FRMD3: variants seen among roughly 807,000 people sequenced by gnomAD.
FRMD3 encodes the protein FERM domain-containing protein 3.
A neutral mutation model predicts 70.2 loss-of-function variants in FRMD3; 33 were observed. The observed-to-expected ratio is 0.47, with a 90% CI of 0.36 to 0.63. FRMD3 has a LOEUF of 0.63. Ranked by LOEUF, FRMD3 falls within the 20% of genes least tolerant of loss-of-function variation. The pLI, the probability that FRMD3 is intolerant of heterozygous loss-of-function variation, is 0.00. For synonymous variants in FRMD3, 279 were observed against 255.9 expected, an observed-to-expected ratio of 1.09 and a Z score of -0.86; for missense variants, 632 against 711.4, an observed-to-expected ratio of 0.89 and a Z score of 1.27.
In FRMD3 at chr9:83,335,650, T is replaced by G. The variant is rs747810010; in HGVS notation, c.473-11A>C. Reference sequence around the variant, plus strand: ...AATCACCAAGCTCAGCTGTAATGAGTGAAAAAATAAAGAGACAGAGAAAGA... The same window carrying G: ...AATCACCAAGCTCAGCTGTAATGAGGGAAAAAATAAAGAGACAGAGAAAGA... On this transcript the variant is annotated splice_polypyrimidine_tract_variant and intron_variant, in intron 5 of 13. Transcript: ENST00000304195. The G allele has an allele frequency of 6.2e-7, 1 of 1,606,324 alleles. No individual in the cohort carries two copies. The highest frequency in any genetic ancestry group is 1.1e-5 in the South Asian group (1 of 89,446).
intron 4 of FRMD3, 58 bp from the exon 5 acceptor site, chr9:83,343,345 A>G: frequency 1.7e-6 from 2 of 1,200,388 alleles, no homozygotes; most frequent in Non-Finnish European, 1.2e-6. Flanking sequence ...TGGAAGAAGT[A>G]GGATTGTTCA....
chr9:83,467,537 A>G (rs1828161250), intron 1 of FRMD3: 1 of 903,670 alleles, frequency 1.1e-6, no homozygotes, highest in Non-Finnish European at 1.8e-6. Flanking sequence ...AATTCAAAAC[A>G]TTGCATAGTA....
rs553351072 is a variant in FRMD3, at chr9:83,266,386, A to C, written c.1196-17870T>G. Among the ~76,000 whole-genome samples the C allele has an allele frequency of 7.2e-5, 11 of 152,344 alleles. 1 individual carries two copies. The South Asian group carries it at 2.3e-3, about 32-fold the overall frequency. ...GTATTTTGTGTTAATCAATTGGTAA[A>C]AACCACATTTATACATATAGCCACA... On this transcript the variant is annotated intron_variant, in intron 13 of 13. Transcript: ENST00000304195.
chr9:83,251,080 G>T (rs1183506005), intron 13 of FRMD3, among the ~76,000 whole-genome samples: 1 of 152,204 alleles, frequency 6.6e-6, no homozygotes, highest in Non-Finnish European at 1.5e-5. Flanking sequence ...ACAACAGGTG[G>T]TCTCCAGCCA....
intron 1 of FRMD3, among the ~76,000 whole-genome samples, chr9:83,436,001 A>G (rs888127820): frequency 1.3e-5 from 2 of 152,192 alleles, no homozygotes; most frequent in Non-Finnish European, 2.9e-5. Context: ...TTTAAAAAAG[A>G]GAACCCAGAA....
At chr9:83,355,185 T>G (rs1302862622) in intron 3 of FRMD3, among the ~76,000 whole-genome samples, 1 of 152,210 alleles carries the variant, frequency 6.6e-6, no homozygotes, top group Non-Finnish European at 1.5e-5. Flanking sequence ...CCAGCTTCCA[T>G]GTGTTCTTAT....
intron 1 of FRMD3, among the ~76,000 whole-genome samples, chr9:83,495,446 T>C (rs1587475394): frequency 6.6e-6 from 1 of 152,226 alleles, no homozygotes; most frequent in South Asian, 2.1e-4. Flanking sequence ...CAAGGAATTT[T>C]GTTATAATTG....
intron 1 of FRMD3, among the ~76,000 whole-genome samples, chr9:83,456,781 A>G (rs1269924935): frequency 6.6e-6 from 1 of 152,162 alleles, no homozygotes; most frequent in East Asian, 1.9e-4. Context: ...GAAGTTTGAG[A>G]CCAACCTGGG....
intron 6 of FRMD3, among the ~76,000 whole-genome samples, chr9:83,319,476 C>G (rs184886136): frequency 6.6e-6 from 1 of 152,148 alleles, no homozygotes. Flanking sequence ...GGCTGAAATG[C>G]AGTGGCATGA....
intron 3 of FRMD3, among the ~76,000 whole-genome samples, chr9:83,372,133 T>G (rs1251964574): frequency 5.9e-5 from 9 of 152,132 alleles, no homozygotes; most frequent in Non-Finnish European, 1.3e-4. Flanking sequence ...ATAAGTGGAT[T>G]TGGGGGCAGG....
chr9:83,279,867 G>C (rs555984869), intron 13 of FRMD3, among the ~76,000 whole-genome samples: 1 of 152,054 alleles, frequency 6.6e-6, no homozygotes, highest in Admixed American at 6.6e-5. Flanking sequence ...ACCTAGGTGA[G>C]GTAATAAGAT....
intron 12 of FRMD3, among the ~76,000 whole-genome samples, chr9:83,292,392 C>T (rs901877360): frequency 1.3e-5 from 2 of 152,048 alleles, no homozygotes; most frequent in Non-Finnish European, 2.9e-5. Flanking sequence ...CATCTTCTGA[C>T]CTCATGATCT....
the FRMD3 span, among the ~76,000 whole-genome samples, chr9:83,543,749 T>A: frequency 6.6e-6 from 1 of 152,116 alleles, no homozygotes; most frequent in African/African-American, 2.4e-5. Flanking sequence ...TAGAGTGTGC[T>A]CTCCTATTCC....
the FRMD3 span, among the ~76,000 whole-genome samples, chr9:83,576,203 G>A: frequency 6.6e-6 from 1 of 152,078 alleles, no homozygotes. Flanking sequence ...CCATGGCCAA[G>A]TAGAATTAAT....
chr9:83,314,906 T>C (rs1408106), intron 6 of FRMD3, among the ~76,000 whole-genome samples: 106,649 of 151,790 alleles, frequency 0.7, 37,736 homozygotes, highest in African/African-American at 0.74. Context: ...TCTTGAAACT[T>C]CTAGGTCCTA....
chr9:83,384,575 C>G (rs1825456501), intron 2 of FRMD3, among the ~76,000 whole-genome samples: 1 of 152,140 alleles, frequency 6.6e-6, no homozygotes, highest in Admixed American at 6.5e-5. Context: ...AACATAAAAG[C>G]CTTGGGGCTG....
intron 13 of FRMD3, among the ~76,000 whole-genome samples, chr9:83,284,061 ATTTTTTTT>A (rs71365307): frequency 2.0e-5 from 2 of 101,682 alleles, no homozygotes; most frequent in Middle Eastern, 5.4e-3. Flanking sequence ...CTAGGATGTT[ATTTTTTTT>A]TTTTTTTTTT....
intron 4 of FRMD3, among the ~76,000 whole-genome samples, chr9:83,346,916 G>C (rs1823983064): frequency 6.6e-6 from 1 of 152,288 alleles, no homozygotes; most frequent in South Asian, 2.1e-4. Flanking sequence ...ATTCAGAATA[G>C]CAAGGTCACA....
At chr9:83,529,162 G>A (rs975234428) in intron 1 of FRMD3, among the ~76,000 whole-genome samples, 2 of 152,144 alleles carry the variant, frequency 1.3e-5, no homozygotes, top group Admixed American at 6.5e-5. Context: ...GTACACTTCT[G>A]AAAGACTGAA....
Sources: gnomAD v4.1 joint callset for allele counts (sites outside exome capture counted in the v4.1 genomes callset) on GRCh38, gnomAD v4.1.1 for gene constraint, MANE v1.5 for transcripts, NCBI Gene and HGNC (gene_info 2026-07-23, HGNC 2026-07-21) for gene names.